Variants in APOLD1 observed in about 807,000 individuals in gnomAD.
APOLD1 encodes apolipoprotein L domain-containing protein 1.
In APOLD1, 22 loss-of-function variants were observed where a neutral mutation model predicts 15.3. The observed-to-expected ratio is 1.44, with a 90% CI of 1.03 to 2.05. APOLD1 has a LOEUF of 2.05. Ranked by LOEUF, APOLD1 falls within the 30% of genes most tolerant of loss-of-function variation. The pLI, the probability that APOLD1 is intolerant of heterozygous loss-of-function variation, is 0.00. For missense variants in APOLD1, 394 were observed against 353.5 expected (o/e 1.11, Z -0.92); for synonymous variants, 190 against 167.4 (o/e 1.13, Z -1.04).
intron 1 of APOLD1, among the ~76,000 whole-genome samples, chr12:12,731,959 A>G (rs1441013904): frequency 1.3e-5 from 2 of 152,326 alleles, no homozygotes; most frequent in South Asian, 2.1e-4. Flanking sequence ...TACTTTGTAC[A>G]TAGAAATCCC....
chr12:12,742,495 G>A (rs1288623577), intron 1 of APOLD1, among the ~76,000 whole-genome samples: 1 of 151,840 alleles, frequency 6.6e-6, no homozygotes, highest in African/African-American at 2.4e-5. Context: ...GGCCGGGCAC[G>A]GTGGCTCACG....
chr12:12,767,207 G>T (rs11055054), intron 1 of APOLD1, among the ~76,000 whole-genome samples: 5 of 151,868 alleles, frequency 3.3e-5, no homozygotes. Flanking sequence ...GACCACGCCA[G>T]TGCACTCCAG....
chr12:12,745,803 G>A (rs911371371), intron 1 of APOLD1, among the ~76,000 whole-genome samples: 2 of 152,052 alleles, frequency 1.3e-5, no homozygotes, highest in African/African-American at 4.8e-5. Flanking sequence ...GAAGCAAAAG[G>A]CAAGGAAAAT....
In APOLD1 at chr12:12,787,205, C is replaced by T. The variant is rs780533262; in HGVS notation, c.300C>T (p.Ala100=). The change falls in exon 2 of 2, where the codon GCC becomes GCT. Residue 100 remains alanine, a synonymous_variant. Transcript: ENST00000356591. This position sits in a 1 kb window ranked among gnomAD's most constrained non-coding sequence, Gnocchi z 4.9. ...TGGGGGTGGCCACAGCCGGAGGGGC[C>T]GTCACCATCACGTCCGATCTCTCGC... ...VGLGVATAGG[A]VTITSDLSLI... is the part of the protein sequence containing the mutation. The T allele has an allele frequency of 3.9e-6, 6 of 1,552,666 alleles. No individual in the cohort carries two copies. The highest frequency in any genetic ancestry group is 3.6e-5 in the South Asian group (3 of 82,216).
At chr12:12,736,974 C>T (rs1161103094) in intron 1 of APOLD1, among the ~76,000 whole-genome samples, 1 of 152,216 alleles carries the variant, frequency 6.6e-6, no homozygotes, top group Non-Finnish European at 1.5e-5. Flanking sequence ...CAGCCAGTTG[C>T]TCATTGCTGT....
At chr12:12,750,225 A>G (rs1946800660) in intron 1 of APOLD1, among the ~76,000 whole-genome samples, 1 of 152,074 alleles carries the variant, frequency 6.6e-6, no homozygotes, top group Admixed American at 6.5e-5. Flanking sequence ...ATACAAAATT[A>G]ACTGGGTGTG....
At chr12:12,746,519 A>ATAAATACC in intron 1 of APOLD1, among the ~76,000 whole-genome samples, 1 of 151,738 alleles carries the variant, frequency 6.6e-6, no homozygotes, top group Admixed American at 6.6e-5. Context: ...AAATAAATAC[A>ATAAATACC]TAAATACATA....
intron 1 of APOLD1, among the ~76,000 whole-genome samples, chr12:12,786,134 CTTTAT>C (rs1303455400): frequency 2.0e-5 from 3 of 152,150 alleles, no homozygotes; most frequent in Admixed American, 6.5e-5. Context: ...ATTTTGGCCA[CTTTAT>C]TTTATTCAAC....
intron 1 of APOLD1, among the ~76,000 whole-genome samples, chr12:12,746,770 T>C (rs1946770043): frequency 6.6e-6 from 1 of 152,174 alleles, no homozygotes; most frequent in African/African-American, 2.4e-5. Flanking sequence ...GATAGGTAGC[T>C]TTTCAGCCCT....
chr12:12,779,100 C>G (rs1947060333), intron 1 of APOLD1, among the ~76,000 whole-genome samples: 1 of 152,258 alleles, frequency 6.6e-6, no homozygotes, highest in South Asian at 2.1e-4. Flanking sequence ...GTTCCTTTGT[C>G]CAGACTGCCC....
rs527283565 is a variant in APOLD1, at chr12:12,733,323, A to C, written c.96+7227A>C. 2.0e-5 allele frequency among the ~76,000 whole-genome samples: 3 copies of C among 146,942 alleles called. No individual in the cohort carries two copies. In the South Asian group the frequency reaches 6.4e-4, roughly 32 times the overall value. ...CTGGGTGGCAGAACAAGACTGTCTC[A>C]AAAAAAAAAAAGTTATATGGCTTAA... On this transcript the variant is annotated intron_variant, in intron 1 of 1. Transcript: ENST00000326765.
chr12:12,768,618 C>G (rs938354721), intron 1 of APOLD1, among the ~76,000 whole-genome samples: 1 of 151,568 alleles, frequency 6.6e-6, no homozygotes, highest in African/African-American at 2.4e-5. Context: ...CGCCACTGCA[C>G]TCCAGCCTGG....
intron 1 of APOLD1, among the ~76,000 whole-genome samples, chr12:12,766,324 G>GTAA (rs138943366): frequency 0.17 from 25,958 of 152,022 alleles, 3,434 homozygotes; most frequent in African/African-American, 0.36. Flanking sequence ...GCAGGATCAT[G>GTAA]TAATATAGTA....
At chr12:12,729,658 G>T (rs1306261530) in intron 1 of APOLD1, among the ~76,000 whole-genome samples, 1 of 152,014 alleles carries the variant, frequency 6.6e-6, no homozygotes, top group Admixed American at 6.6e-5. Context: ...TATTCTGGAG[G>T]CTGAGGCAAG....
At chr12:12,741,200 T>A (rs1341692526) in intron 1 of APOLD1, among the ~76,000 whole-genome samples, 3 of 152,168 alleles carry the variant, frequency 2.0e-5, no homozygotes, top group Admixed American at 1.3e-4. Flanking sequence ...CTGTCATACT[T>A]TTTTTACGAA....
chr12:12,730,714 G>GTT (rs57016384), intron 1 of APOLD1, among the ~76,000 whole-genome samples: 3 of 126,110 alleles, frequency 2.4e-5, no homozygotes, highest in Non-Finnish European at 4.8e-5. Context: ...AAAGAAAAAA[G>GTT]TTTTTTTTTT....
intron 1 of APOLD1, among the ~76,000 whole-genome samples, chr12:12,770,118 A>G (rs1488429609): frequency 6.6e-6 from 1 of 152,170 alleles, no homozygotes; most frequent in Non-Finnish European, 1.5e-5. Flanking sequence ...ACCAAAAGAA[A>G]TGTTAGAGAG....
At chr12:12,777,528 G>A (rs1947045473) in intron 1 of APOLD1, among the ~76,000 whole-genome samples, 1 of 152,122 alleles carries the variant, frequency 6.6e-6, no homozygotes, top group Non-Finnish European at 1.5e-5. Context: ...TAACCAAAAG[G>A]TTTGGGACTA....
At chr12:12,759,039 A>G (rs941967405) in intron 1 of APOLD1, among the ~76,000 whole-genome samples, 4 of 152,178 alleles carry the variant, frequency 2.6e-5, no homozygotes, top group African/African-American at 9.6e-5. Flanking sequence ...GAGCGCCTAC[A>G]GTGTGGTTCA....
Sources: allele counts gnomAD v4.1 joint callset (sites outside exome capture counted in the v4.1 genomes callset), GRCh38; gene constraint gnomAD v4.1.1; non-coding constraint Gnocchi (gnomAD v3.1); transcripts MANE v1.5; gene names NCBI Gene and HGNC (gene_info 2026-07-23, HGNC 2026-07-21).